RELN: variants seen among roughly 807,000 people sequenced by gnomAD.
The protein encoded by RELN is reelin.
Under a neutral mutation model 427.6 loss-of-function variants are expected in RELN, and 108 were observed. That is an observed-to-expected ratio of 0.25 (90% CI 0.22 to 0.30). The LOEUF (loss-of-function observed/expected upper bound fraction) is 0.30. Ranked by LOEUF, RELN falls within the 10% of genes least tolerant of loss-of-function variation. The pLI, the probability that RELN is intolerant of heterozygous loss-of-function variation, is 1.00. For synonymous variants in RELN, 1,524 were observed against 1,513.4 expected (o/e 1.01, Z -0.16); for missense variants, 3,715 against 4,302.8 (o/e 0.86, Z 3.82).
At chr7:103,499,754 ATTAGAAGATT>A in intron 53 of RELN, among the ~76,000 whole-genome samples, 1 of 152,338 alleles carries the variant, frequency 6.6e-6, no homozygotes, top group Middle Eastern at 3.4e-3. Flanking sequence ...GTAAACTTTC[ATTAGAAGATT>A]TTAATCAGGG....
At chr7:103,877,857 C>CA (rs1794519021) in intron 2 of RELN, among the ~76,000 whole-genome samples, 2 of 106,804 alleles carry the variant, frequency 1.9e-5, no homozygotes, top group Non-Finnish European at 3.8e-5. Flanking sequence ...TCTCTCCCTG[C>CA]CTTTTTTTTT....
In RELN at chr7:103,909,653, TAA is replaced by T. The variant is rs1491326208; in HGVS notation, c.337+7420_337+7421del. On this transcript the variant is annotated intron_variant, in intron 2 of 64. Transcript: ENST00000428762. ...AATATATTTAATAAATATATATATT[TAA>T]TATATATAAATATATATTAAATATA... Among the ~76,000 whole-genome samples, 155 of 91,064 alleles carry T rather than the reference TAA, an allele frequency of 1.7e-3. 3 individuals carry two copies. Among genetic ancestry groups the T allele is most frequent in the African/African-American group, 6.7e-3 (150 of 22,432 alleles). 59.7% of individuals were successfully genotyped at this position (91,064 alleles called of 152,430 possible).
At position 103,551,129 on chromosome 7, in the gene RELN, G is replaced by A. The variant is rs201505136; in HGVS notation, c.6240C>T (p.Tyr2080=). 1.1e-5 allele frequency: 18 copies of A among 1,613,894 alleles called. No individual in the cohort carries two copies. The highest frequency in any genetic ancestry group is 4.4e-5 in the South Asian group (4 of 91,068). The change falls in exon 41 of 65, where the codon TAC becomes TAT. Residue 2080 remains tyrosine, a synonymous_variant. Transcript: ENST00000428762. ...TCCTCCAGCCCTGCATGGTTCCTGC[G>A]TAGTAGGTGCTGCTGGGGTGGTGCT... is the stretch of plus-strand genomic sequence containing the variant. ...STEHHPSSTY[Y]AGTMQGWRRE...
chr7:103,671,422 G>A (rs769045612), intron 11 of RELN, among the ~76,000 whole-genome samples: 19 of 151,954 alleles, frequency 1.3e-4, no homozygotes, highest in Non-Finnish European at 2.6e-4. Context: ...GCTTCAGAAC[G>A]GTTAGAAAGC....
chr7:103,623,772 T>G (rs1832268804), intron 20 of RELN, among the ~76,000 whole-genome samples: 1 of 152,222 alleles, frequency 6.6e-6, no homozygotes, highest in Non-Finnish European at 1.5e-5. Flanking sequence ...GCTAACTGTG[T>G]GCAGATCCTT....
At chr7:103,916,503 A>G (rs1795484776) in intron 2 of RELN, among the ~76,000 whole-genome samples, 1 of 152,184 alleles carries the variant, frequency 6.6e-6, no homozygotes, top group Non-Finnish European at 1.5e-5. Flanking sequence ...GACTCCTCTG[A>G]GATTAATGGA....
chr7:103,503,529 T>A (rs972269026), intron 51 of RELN, among the ~76,000 whole-genome samples: 1 of 152,260 alleles, frequency 6.6e-6, no homozygotes, highest in Non-Finnish European at 1.5e-5. Flanking sequence ...TCCTACAAAC[T>A]GTTAGTTGTG....
chr7:103,973,921 T>C (rs1796816567), intron 1 of RELN, among the ~76,000 whole-genome samples: 1 of 152,196 alleles, frequency 6.6e-6, no homozygotes, highest in South Asian at 2.1e-4. Flanking sequence ...GGCGGGTGGA[T>C]CACCTGAGAT....
Position 103,910,255 on chromosome 7 carries a change from T to C in RELN, c.337+6820A>G, listed in dbSNP as rs913534674. Among the ~76,000 whole-genome samples the C allele has an allele frequency of 4.9e-4, 69 of 142,230 alleles. No individual in the cohort carries two copies. The South Asian group carries it at 7.3e-3, about 15-fold the overall frequency. The allele number at this position is 142,230 out of a possible 152,430, so 93.3% of individuals were successfully genotyped here. On this transcript the variant is annotated intron_variant, in intron 2 of 64. Transcript: ENST00000428762. ...TAAGAATGCTTGTGATTTTTGTACATTGATTTTGTATCCTGAGACTTTGCT... is the reference window on the plus strand; with the variant it reads ...TAAGAATGCTTGTGATTTTTGTACACTGATTTTGTATCCTGAGACTTTGCT...
intron 4 of RELN, among the ~76,000 whole-genome samples, chr7:103,762,499 A>G (rs1791326998): frequency 6.6e-6 from 1 of 152,192 alleles, no homozygotes; most frequent in Non-Finnish European, 1.5e-5. Context: ...TCATAATCTT[A>G]AAGGCCACAG....
At chr7:103,548,837 C>T (rs1830354384) in intron 41 of RELN, among the ~76,000 whole-genome samples, 1 of 152,158 alleles carries the variant, frequency 6.6e-6, no homozygotes, top group Non-Finnish European at 1.5e-5. Flanking sequence ...CTCTGTGACG[C>T]TGGAGCACTC....
intron 12 of RELN, among the ~76,000 whole-genome samples, chr7:103,660,388 T>C (rs2299355): frequency 0.62 from 94,758 of 151,932 alleles, 29,810 homozygotes; most frequent in South Asian, 0.68. Context: ...TGTGAGACTA[T>C]ATTACTTTAT....
At chr7:103,665,358 GTGTGTA>G (rs772166434) in intron 11 of RELN, among the ~76,000 whole-genome samples, 31 of 131,330 alleles carry the variant, frequency 2.4e-4, no homozygotes, top group East Asian at 6.7e-4. Context: ...GTGTGTGTGT[GTGTGTA>G]TATATATATA....
At chr7:103,532,982 G>C (rs1407669442) in intron 46 of RELN, among the ~76,000 whole-genome samples, 1 of 152,080 alleles carries the variant, frequency 6.6e-6, no homozygotes, top group Non-Finnish European at 1.5e-5. Context: ...TCCCTCATAG[G>C]CCTAGCACAT....
At chr7:103,831,702 G>C (rs926932568) in intron 3 of RELN, among the ~76,000 whole-genome samples, 1 of 152,134 alleles carries the variant, frequency 6.6e-6, no homozygotes, top group Non-Finnish European at 1.5e-5. Flanking sequence ...AGGCCTGCCA[G>C]TTCAGGCTCC....
intron 20 of RELN, among the ~76,000 whole-genome samples, chr7:103,615,207 G>C (rs1460622758): frequency 2.0e-5 from 3 of 152,112 alleles, no homozygotes; most frequent in African/African-American, 7.2e-5. Context: ...GATTTAATGA[G>C]AGAATGGGGA....
intron 58 of RELN, among the ~76,000 whole-genome samples, chr7:103,491,243 A>G (rs1030652729): frequency 6.6e-6 from 1 of 152,226 alleles, no homozygotes; most frequent in African/African-American, 2.4e-5. Context: ...TACTGTTAAT[A>G]TGCTTTAGAA....
chr7:103,588,664 A>G (rs1831336280), intron 28 of RELN, among the ~76,000 whole-genome samples: 1 of 152,188 alleles, frequency 6.6e-6, no homozygotes, highest in South Asian at 2.1e-4. Context: ...AAATTGCTTA[A>G]TTGCAATGGC....
intron 3 of RELN, among the ~76,000 whole-genome samples, chr7:103,804,551 A>T (rs527948673): frequency 6.6e-6 from 1 of 152,274 alleles, no homozygotes; most frequent in East Asian, 1.9e-4. Context: ...CCAGGTTAGA[A>T]TATGTTTAAA....
Sources: allele counts gnomAD v4.1 joint callset (sites outside exome capture counted in the v4.1 genomes callset), GRCh38; gene constraint gnomAD v4.1.1; transcripts MANE v1.5; gene names NCBI Gene and HGNC (gene_info 2026-07-23, HGNC 2026-07-21).